KMT2C: variants seen among roughly 807,000 people sequenced by gnomAD.
KMT2C encodes the protein histone-lysine N-methyltransferase 2C.
In KMT2C, 88 loss-of-function variants were observed where a neutral mutation model predicts 507.9. The observed-to-expected ratio is 0.17, with a 90% CI of 0.15 to 0.21. The LOEUF (loss-of-function observed/expected upper bound fraction) is 0.21, where lower values mean the gene tolerates loss of function less well. Among genes scored for constraint, KMT2C ranks in the 10% least tolerant of loss-of-function variants. The pLI, the probability that KMT2C is intolerant of heterozygous loss-of-function variation, is 1.00. For synonymous variants in KMT2C, 2,049 were observed against 2,080.8 expected, an observed-to-expected ratio of 0.98 and a Z score of 0.42; for missense variants, 4,954 against 5,957.8, an observed-to-expected ratio of 0.83 and a Z score of 5.55.
chr7:152,366,938 C>T (rs976674349), intron 1 of KMT2C: 1 of 484,546 alleles, frequency 2.1e-6, no homozygotes, highest in South Asian at 2.5e-5. Flanking sequence ...CTGGCGGGCA[C>T]GATCGCAAGG....
chr7:152,228,960 C>G lies in KMT2C; in HGVS notation c.2976+963G>C, dbSNP rs184148200. The stretch of plus-strand genomic sequence containing the variant: ...AATCTTTCATTTTGATTCCTAAACT[C>G]ACAAAAACCTGTATTACCCTATAAA... On this transcript the variant is annotated intron_variant, in intron 18 of 58. Transcript: ENST00000262189. Among the ~76,000 whole-genome samples the G allele has an allele frequency of 1.2e-4, 18 of 152,230 alleles. No individual in the cohort carries two copies. The East Asian group carries it at 3.5e-3, about 29-fold the overall frequency.
intron 1 of KMT2C, among the ~76,000 whole-genome samples, chr7:152,431,763 A>AC (rs36062640): frequency 0.052 from 7,973 of 152,270 alleles, 363 homozygotes; most frequent in African/African-American, 0.12. Flanking sequence ...GAGACCAATA[A>AC]TATCAAAAAT....
At chr7:152,178,231 A>T (rs544430853) in intron 37 of KMT2C, among the ~76,000 whole-genome samples, 18 of 152,138 alleles carry the variant, frequency 1.2e-4, no homozygotes, top group Non-Finnish European at 2.1e-4. Flanking sequence ...ACCATATCTG[A>T]GCTCTAAAGG....
intron 4 of KMT2C, among the ~76,000 whole-genome samples, chr7:152,314,667 GGATT>G (rs906145128): frequency 6.6e-6 from 1 of 151,946 alleles, no homozygotes; most frequent in Non-Finnish European, 1.5e-5. Context: ...ATGACTGAAT[GGATT>G]GATGAATGAA....
At chr7:152,210,091 G>A (rs1420238701) in intron 23 of KMT2C, among the ~76,000 whole-genome samples, 1 of 152,098 alleles carries the variant, frequency 6.6e-6, no homozygotes, top group Non-Finnish European at 1.5e-5. Flanking sequence ...TACTAAATGT[G>A]GACAACCCCA....
In KMT2C at chr7:152,397,824, G is replaced by A. The variant is rs546937365; in HGVS notation, c.161+37802C>T. 2.6e-5 allele frequency among the ~76,000 whole-genome samples: 4 copies of A among 152,230 alleles called. No homozygotes were observed. The South Asian group carries it at 6.2e-4, about 24-fold the overall frequency. On this transcript the variant is annotated intron_variant, in intron 1 of 58. Transcript: ENST00000262189. ...CTCACTCTCTCTTGCCTGCCACCAC[G>A]TAAGACATGCCTTCTGCTGTGAGTG...
Position 152,181,242 on chromosome 7 carries a change from A to T in KMT2C, c.6618T>A (p.Pro2206=). Residue 2206 remains proline (P), a synonymous_variant, in exon 36 of 59, where the codon CCT becomes CCA. Transcript: ENST00000262189. ...NQRHSDPYAH[P]PGTPRPGISV... ...AAATTCCAGGTCTTGGTGTTCCAGG[A>T]GGATGAGCATATGGATCAGAATGCC... The T allele has an allele frequency of 6.2e-7, 1 of 1,614,140 alleles. No individual in the cohort carries two copies.
At position 152,163,087 on chromosome 7, in the gene KMT2C, G is replaced by A. The variant is rs1315673360; in HGVS notation, c.10490C>T (p.Ser3497Phe). 2 of 1,614,124 alleles carry A rather than the reference G, an allele frequency of 1.2e-6. No homozygotes were observed. The highest frequency in any genetic ancestry group is 1.3e-5 in the African/African-American group (1 of 74,940). ...ATTAGTCTGCATGAAAGTTTGGGTG[G>A]AGGGTGAATTAATTGATCCTTGTTG... ...NIQQGSINSP[S>F]TQTFMQTNER... The change falls in exon 43 of 59, where the codon TCC becomes TTC. Residue 3497 changes from serine to phenylalanine, a missense_variant. Physicochemically the swap from Ser to Phe is radical, Grantham distance 155. Transcript: ENST00000262189.
At chr7:152,276,060 T>A (rs1222261529) in intron 6 of KMT2C, among the ~76,000 whole-genome samples, 2 of 152,180 alleles carry the variant, frequency 1.3e-5, no homozygotes, top group South Asian at 4.1e-4. Context: ...TAAACTACTA[T>A]GAGAAGTACT....
chr7:152,204,588 C>A (rs1342732224), intron 25 of KMT2C, among the ~76,000 whole-genome samples: 1 of 132,192 alleles, frequency 7.6e-6, no homozygotes, highest in Non-Finnish European at 1.6e-5. Context: ...CATAGTGAGA[C>A]CCCTAGATAG....
intron 43 of KMT2C, 80 bp from the exon 44 acceptor site, chr7:152,159,152 C>T (rs1031450227): frequency 2.9e-5 from 34 of 1,173,756 alleles, no homozygotes; most frequent in Middle Eastern, 2.2e-4. Flanking sequence ...CAAGCTATGA[C>T]GCGTCATCCT....
intron 41 of KMT2C, 140 bp from the exon 42 acceptor site, chr7:152,167,518 C>T (rs967484044): frequency 4.7e-5 from 28 of 598,536 alleles, no homozygotes; most frequent in Non-Finnish European, 6.2e-5. Context: ...AAATATTAGA[C>T]GATTATGTAA....
At chr7:152,216,044 C>A (rs2094574794) in intron 23 of KMT2C, among the ~76,000 whole-genome samples, 1 of 152,074 alleles carries the variant, frequency 6.6e-6, no homozygotes, top group African/African-American at 2.4e-5. Flanking sequence ...AATGCCAGTC[C>A]CCTCCCTCCA....
intron 31 of KMT2C, among the ~76,000 whole-genome samples, chr7:152,192,410 C>G (rs915789863): frequency 6.6e-6 from 1 of 152,040 alleles, no homozygotes; most frequent in Admixed American, 6.6e-5. Flanking sequence ...GGCACAGTGG[C>G]AGGCACCTGT....
At position 152,177,761 on chromosome 7, in the gene KMT2C, C is replaced by T. The variant is rs1350632212; in HGVS notation, c.7692G>A (p.Arg2564=). 2 of 1,613,890 alleles carry T rather than the reference C, an allele frequency of 1.2e-6. No individual in the cohort carries two copies. Among genetic ancestry groups the T allele is most frequent in the Admixed American group, 3.3e-5 (2 of 59,978 alleles). ...GCAGCCGTTGCCTTCCGTCAGGAGC[C>T]CTATGTCTCAGTTCAATATATGCTT... ...LGQAYIELRH[R]APDGRQRLPF... is the part of the protein sequence containing the mutation. The change falls in exon 38 of 59, where the codon AGG becomes AGA. Residue 2564 remains arginine, a synonymous_variant. Coordinates refer to ENST00000262189, the MANE Select transcript of KMT2C (RefSeq NM_170606.3).
intron 1 of KMT2C, among the ~76,000 whole-genome samples, chr7:152,399,876 A>G (rs1159885882): frequency 6.6e-6 from 1 of 152,146 alleles, no homozygotes; most frequent in Non-Finnish European, 1.5e-5. Context: ...TATAAAATTA[A>G]AAGGTCCAAG....
At chr7:152,192,211 T>C (rs887161428) in intron 31 of KMT2C, among the ~76,000 whole-genome samples, 1 of 152,204 alleles carries the variant, frequency 6.6e-6, no homozygotes, top group Non-Finnish European at 1.5e-5. Flanking sequence ...TTTTTATATG[T>C]TGAAAAGAGA....
At chr7:152,295,364 T>C (rs549122177) in intron 6 of KMT2C, among the ~76,000 whole-genome samples, 1 of 152,314 alleles carries the variant, frequency 6.6e-6, no homozygotes, top group East Asian at 1.9e-4. Context: ...TCCATTCCTG[T>C]CCCCTAGTAT....
At chr7:152,302,262 G>C (rs2096576066) in intron 6 of KMT2C, among the ~76,000 whole-genome samples, 1 of 151,970 alleles carries the variant, frequency 6.6e-6, no homozygotes, top group African/African-American at 2.4e-5. Context: ...TTGAGATGGA[G>C]TTTTAGGCAG....
Sources: allele counts gnomAD v4.1 joint callset (sites outside exome capture counted in the v4.1 genomes callset), GRCh38; gene constraint gnomAD v4.1.1; transcripts MANE v1.5; gene names NCBI Gene and HGNC (gene_info 2026-07-23, HGNC 2026-07-21).